The following CAST variants were observed in gnomAD, a reference collection of about 807,000 sequenced individuals.
CAST encodes calpastatin.
Under a neutral mutation model 119.6 loss-of-function variants are expected in CAST, and 76 were observed. The observed-to-expected ratio is 0.64, with a 90% CI of 0.53 to 0.77. CAST has a LOEUF of 0.77. Among genes scored for constraint, CAST ranks in the 30% least tolerant of loss-of-function variants. The probability of loss-of-function intolerance (pLI) is 0.00; values close to 1 mark genes in which losing one functional copy is unlikely to be tolerated. For synonymous variants in CAST, 319 were observed against 331.6 expected (o/e 0.96, Z 0.41); for missense variants, 953 against 946.5 (o/e 1.01, Z -0.09).
At chr5:96,655,432 T>C (rs541690329) in intron 1 of CAST, among the ~76,000 whole-genome samples, 7 of 152,334 alleles carry the variant, frequency 4.6e-5, no homozygotes, top group African/African-American at 1.7e-4. Flanking sequence ...CTATTCTTTA[T>C]CTTCTCTGAA....
chr5:96,265,860 C>T, the CAST span, among the ~76,000 whole-genome samples: 3,696 of 152,050 alleles, frequency 0.024, 57 homozygotes, highest in Non-Finnish European at 0.039. Context: ...TGTGGTTATT[C>T]CAATAATATA....
chr5:96,376,781 C>CAT, the CAST span, among the ~76,000 whole-genome samples: 2 of 152,098 alleles, frequency 1.3e-5, no homozygotes, highest in Non-Finnish European at 2.9e-5. Flanking sequence ...TGTACTTCTA[C>CAT]ATATATATAA....
At chr5:96,732,423 G>A (rs1184095399) in intron 9 of CAST, among the ~76,000 whole-genome samples, 4 of 126,114 alleles carry the variant, frequency 3.2e-5, no homozygotes, top group Admixed American at 2.6e-4. Context: ...AGATGAGTAG[G>A]TTGCGAAAAT....
the CAST span, among the ~76,000 whole-genome samples, chr5:96,370,479 C>T: frequency 1.1e-4 from 16 of 152,254 alleles, no homozygotes; most frequent in African/African-American, 3.8e-4. Context: ...TAAAGAGCAA[C>T]ATGGAGCTGC....
the CAST span, among the ~76,000 whole-genome samples, chr5:96,114,351 T>A: frequency 6.6e-6 from 1 of 152,132 alleles, no homozygotes; most frequent in East Asian, 1.9e-4. Flanking sequence ...AATCTGATTC[T>A]TAAAAGGATT....
chr5:96,091,435 C>A, the CAST span, among the ~76,000 whole-genome samples: 1 of 151,418 alleles, frequency 6.6e-6, no homozygotes, highest in East Asian at 1.9e-4. Context: ...GAACTTCTGA[C>A]CTCTGGTGAT....
intron 1 of CAST, among the ~76,000 whole-genome samples, chr5:96,630,717 C>T (rs774723627): frequency 2.0e-5 from 3 of 151,932 alleles, no homozygotes; most frequent in Admixed American, 2.0e-4. Context: ...ACCTGGGAGG[C>T]GGAGGTTGCA....
At chr5:96,394,306 GTGAACGACTTATTTTAGCTATCCTC>G in the CAST span, among the ~76,000 whole-genome samples, 3 of 152,242 alleles carry the variant, frequency 2.0e-5, no homozygotes, top group Non-Finnish European at 2.9e-5. Context: ...ACCCAGGAAT[GTGAACGACTTATTTTAGCTATCCTC>G]TGAAATTTTT....
At chr5:95,984,425 A>G in the CAST span, among the ~76,000 whole-genome samples, 1 of 152,146 alleles carries the variant, frequency 6.6e-6, no homozygotes, top group South Asian at 2.1e-4. Context: ...ACTCTATCCT[A>G]ATTATCCTGT....
intron 1 of CAST, among the ~76,000 whole-genome samples, chr5:96,649,407 A>C (rs1460259129): frequency 6.6e-6 from 1 of 152,202 alleles, no homozygotes; most frequent in African/African-American, 2.4e-5. Flanking sequence ...TGCTATTCAC[A>C]TAAGTCGAAT....
At chr5:96,758,691 A>G (rs1766930461) in intron 24 of CAST, among the ~76,000 whole-genome samples, 1 of 152,188 alleles carries the variant, frequency 6.6e-6, no homozygotes. Context: ...AAGCCCCTCA[A>G]AGAAGAGCTT....
chr5:96,013,961 T>C, the CAST span, among the ~76,000 whole-genome samples: 2 of 152,234 alleles, frequency 1.3e-5, no homozygotes, highest in African/African-American at 2.4e-5. Flanking sequence ...ACCAAATTTA[T>C]TTAAAAAATT....
intron 1 of CAST, among the ~76,000 whole-genome samples, chr5:96,617,615 C>T (rs901915008): frequency 6.6e-6 from 1 of 151,200 alleles, no homozygotes; most frequent in African/African-American, 2.4e-5. Context: ...CAGTGAAACC[C>T]CGTCTCTACT....
chr5:96,084,002 A>G, the CAST span, among the ~76,000 whole-genome samples: 1 of 152,344 alleles, frequency 6.6e-6, no homozygotes, highest in East Asian at 1.9e-4. Flanking sequence ...TAAAATAAGG[A>G]TTAAATGCGT....
the CAST span, among the ~76,000 whole-genome samples, chr5:96,048,485 C>T: frequency 5.3e-5 from 8 of 152,106 alleles, no homozygotes; most frequent in Admixed American, 5.2e-4. Flanking sequence ...ACTTGCACAG[C>T]TGAATAGATT....
chr5:96,374,073 G>A, the CAST span, among the ~76,000 whole-genome samples: 1 of 152,298 alleles, frequency 6.6e-6, no homozygotes, highest in South Asian at 2.1e-4. Flanking sequence ...AAAACATTAA[G>A]ATTTGGCACC....
intron 25 of CAST, among the ~76,000 whole-genome samples, chr5:96,764,847 GA>G (rs1325989223): frequency 1.3e-5 from 2 of 152,140 alleles, no homozygotes; most frequent in Non-Finnish European, 2.9e-5. Flanking sequence ...ATTTCTAAAT[GA>G]AAGGCACACA....
At chr5:96,258,972 C>A in the CAST span, among the ~76,000 whole-genome samples, 2 of 152,068 alleles carry the variant, frequency 1.3e-5, no homozygotes, top group African/African-American at 4.8e-5. Flanking sequence ...CAAGATAAAT[C>A]CCAAGTGGGA....
rs1761603648 is a variant in CAST at position 96,736,187 on chromosome 5, T to C, written c.646T>C (p.Ser216Pro). The C allele has an allele frequency of 6.2e-7, 1 of 1,611,658 alleles. No homozygotes were observed. The highest frequency in any genetic ancestry group is 1.3e-5 in the African/African-American group (1 of 74,788). ...TTCTCACCAGAAAAAAGAAAAGAAATCATTAACCCCAGCTGTGCCAGTTGA... is the reference window on the plus strand; with the variant it reads ...TTCTCACCAGAAAAAAGAAAAGAAACCATTAACCCCAGCTGTGCCAGTTGA... ...KPGDKKKEKK[S>P]LTPAVPVESK... The change falls in exon 10 of 32, where the codon TCA becomes CCA. Residue 216 changes from serine to proline, a missense_variant. Transcript: ENST00000675179.
Sources: gnomAD v4.1 joint callset for allele counts (sites outside exome capture counted in the v4.1 genomes callset) on GRCh38, gnomAD v4.1.1 for gene constraint, MANE v1.5 for transcripts, NCBI Gene and HGNC (gene_info 2026-07-23, HGNC 2026-07-21) for gene names.